The following PCDHGC5 variants were observed in gnomAD, a reference collection of about 807,000 sequenced individuals.
PCDHGC5 encodes the protein protocadherin gamma subfamily C, 5.
Under a neutral mutation model 59.0 loss-of-function variants are expected in PCDHGC5, and 25 were observed. The observed-to-expected ratio is 0.42, with a 90% CI of 0.31 to 0.59. PCDHGC5 has a LOEUF of 0.59. Among genes scored for constraint, PCDHGC5 ranks in the 20% least tolerant of loss-of-function variants. The pLI, the probability that PCDHGC5 is intolerant of heterozygous loss-of-function variation, is 0.13. For missense variants in PCDHGC5, 1,067 were observed against 1,206.4 expected (o/e 0.88, Z 1.71); for synonymous variants, 434 against 505.5 (o/e 0.86, Z 1.90).
intron 2 of PCDHGC5, among the ~76,000 whole-genome samples, chr5:141,503,855 TA>T (rs2099832899): frequency 1.3e-5 from 2 of 152,136 alleles, no homozygotes; most frequent in Non-Finnish European, 2.9e-5. Context: ...GGAAAAATTG[TA>T]AAGCAGTTCT....
At chr5:141,507,704 G>A (rs989196400) in intron 3 of PCDHGC5, among the ~76,000 whole-genome samples, 5 of 152,210 alleles carry the variant, frequency 3.3e-5, no homozygotes, top group African/African-American at 9.6e-5. Context: ...AGTATTTATG[G>A]CCCCAAACCC....
chr5:141,509,785 C>T (rs1445220885), intron 3 of PCDHGC5, among the ~76,000 whole-genome samples: 1 of 152,166 alleles, frequency 6.6e-6, no homozygotes, highest in African/African-American at 2.4e-5. Context: ...CCGAGATCAT[C>T]ATCTCCTCAG....
At chr5:141,500,729 C>T (rs1434863449) in intron 2 of PCDHGC5, among the ~76,000 whole-genome samples, 2 of 152,130 alleles carry the variant, frequency 1.3e-5, no homozygotes, top group Non-Finnish European at 2.9e-5. Flanking sequence ...CCATGTCTTT[C>T]AAAATTCTTC....
chr5:141,489,530 G>C lies in PCDHGC5; in HGVS notation c.290G>C (p.Gly97Ala), dbSNP rs751249228. 17 of 1,614,092 alleles carry C rather than the reference G, an allele frequency of 1.1e-5. 1 individual carries two copies. In the South Asian group the frequency reaches 1.9e-4, roughly 18 times the overall value. ...AAGATTGACCGAGAAAGCCTATGTG[G>C]AGCCAGCACCAGCTGCCTGCTGCCA... ...NQKIDRESLCGASTSCLLPVQ... is the reference protein window; with the variant it reads ...NQKIDRESLCAASTSCLLPVQ... The change falls in exon 1 of 4, where the codon GGA becomes GCA. Residue 97 changes from glycine to alanine, a missense_variant. Coordinates refer to ENST00000252087, the MANE Select transcript of PCDHGC5 (RefSeq NM_018929.3). The surrounding 1 kb of genome is among the most constrained non-coding windows in gnomAD (Gnocchi z 4.5).
chr5:141,489,470 T>C lies in PCDHGC5; in HGVS notation c.230T>C (p.Leu77Pro), dbSNP rs1030378524. 1 of 1,613,874 alleles carries C rather than the reference T, an allele frequency of 6.2e-7. No homozygotes were observed. The highest frequency in any genetic ancestry group is 8.5e-7 in the Non-Finnish European group (1 of 1,179,838). ...GSEENGRYFS[L>P]SLMSGALAVN... is the part of the protein sequence containing the mutation. ...GAGGAGAATGGGCGCTATTTTTCCCTGAGCTTGATGAGTGGTGCCCTGGCA... is the reference window on the plus strand; with the variant it reads ...GAGGAGAATGGGCGCTATTTTTCCCCGAGCTTGATGAGTGGTGCCCTGGCA... The change falls in exon 1 of 4, where the codon CTG (leucine) becomes CCG (proline). Residue 77 changes from leucine (L) to proline (P), a missense_variant. Physicochemically the swap from Leu to Pro is moderately conservative, Grantham distance 98 (BLOSUM62 -3). Transcript: ENST00000252087. This position sits in a 1 kb window ranked among gnomAD's most constrained non-coding sequence, Gnocchi z 4.5.
intron 2 of PCDHGC5, among the ~76,000 whole-genome samples, chr5:141,501,136 G>A (rs909142955): frequency 6.6e-6 from 1 of 152,090 alleles, no homozygotes; most frequent in Non-Finnish European, 1.5e-5. Context: ...CTAAGTGCTG[G>A]GATTACAGGT....
chr5:141,509,081 A>C (rs1279221589), intron 3 of PCDHGC5, among the ~76,000 whole-genome samples: 2 of 152,160 alleles, frequency 1.3e-5, no homozygotes, highest in Non-Finnish European at 2.9e-5. Flanking sequence ...GATTTGCGAC[A>C]TGAAATGGGG....
chr5:141,493,808 C>T lies in PCDHGC5; in HGVS notation c.2461-999C>T, dbSNP rs2099750260. On this transcript the variant is annotated intron_variant, in intron 1 of 3. Transcript: ENST00000252087. The surrounding 1 kb of genome is among the most constrained non-coding windows in gnomAD (Gnocchi z 4.3). ...CTTCTCCCTGGAGTAATCTGAGATA[C>T]TCACACTCTCTGCTTCTGGGAGCAA... is the stretch of plus-strand genomic sequence containing the variant. 6.6e-6 allele frequency among the ~76,000 whole-genome samples: 1 copy of T among 152,200 alleles called. No individual in the cohort carries two copies. The highest frequency in any genetic ancestry group is 1.5e-5 in the Non-Finnish European group (1 of 68,042).
intron 3 of PCDHGC5, 57 bp from the exon 4 acceptor site, chr5:141,510,890 A>G (rs1434557860): frequency 1.2e-5 from 20 of 1,612,748 alleles, no homozygotes; most frequent in South Asian, 3.3e-5. Context: ...GATATAAGAC[A>G]GTGACTGTTG....
intron 2 of PCDHGC5, among the ~76,000 whole-genome samples, chr5:141,503,984 C>T (rs967348519): frequency 2.0e-5 from 3 of 152,184 alleles, no homozygotes; most frequent in African/African-American, 7.2e-5. Context: ...AACCCTTCTT[C>T]TTACCTTACA....
intron 3 of PCDHGC5, among the ~76,000 whole-genome samples, chr5:141,506,402 G>C (rs1032556978): frequency 7.0e-6 from 1 of 143,732 alleles, no homozygotes; most frequent in African/African-American, 2.6e-5. Context: ...GCAGAAAATC[G>C]CACCACTGCA....
chr5:141,491,648 T>C lies in PCDHGC5; in HGVS notation c.2408T>C (p.Leu803Pro). ...GTTCAGCAGCCCACAGCTCTGGCGC[T>C]GGAGCCTGACGCCATCCGGTCCCGC... ...LSVQQPTALALEPDAIRSRSN... is the reference protein window; with the variant it reads ...LSVQQPTALAPEPDAIRSRSN... Residue 803 changes from leucine (L) to proline (P), a missense_variant, in exon 1 of 4, where the codon CTG becomes CCG. Physicochemically the swap from Leu to Pro is moderately conservative, Grantham distance 98. Transcript: ENST00000252087. The surrounding 1 kb of genome is among the most constrained non-coding windows in gnomAD (Gnocchi z 6.9). 2 of 1,613,834 alleles carry C rather than the reference T, an allele frequency of 1.2e-6. No individual in the cohort carries two copies. Among genetic ancestry groups the C allele is most frequent in the South Asian group, 1.1e-5 (1 of 91,082 alleles).
chr5:141,494,759 C>A (rs776923097), intron 1 of PCDHGC5, 48 bp from the exon 2 acceptor site: 3 of 1,613,886 alleles, frequency 1.9e-6, no homozygotes, highest in Non-Finnish European at 2.5e-6. Context: ...GGGTGACATT[C>A]TAACTTCTCA....
intron 3 of PCDHGC5, among the ~76,000 whole-genome samples, chr5:141,510,415 C>G (rs2099881071): frequency 6.6e-6 from 1 of 152,082 alleles, no homozygotes; most frequent in Admixed American, 6.5e-5. Flanking sequence ...GCATGTAAAG[C>G]CATGGTTTCA....
rs781267293 is a variant in PCDHGC5 at position 141,489,926 on chromosome 5, C to T, written c.686C>T (p.Ser229Phe). 1.2e-6 allele frequency: 2 copies of T among 1,614,222 alleles called. No individual in the cohort carries two copies. The highest frequency in any genetic ancestry group is 2.2e-5 in the East Asian group (1 of 44,878). Residue 229 changes from serine to phenylalanine, a missense_variant, in exon 1 of 4, where the codon TCT becomes TTT. Coordinates refer to ENST00000252087, the MANE Select transcript of PCDHGC5 (RefSeq NM_018929.3). The surrounding 1 kb of genome is among the most constrained non-coding windows in gnomAD (Gnocchi z 4.5). ...TPARSGTTLI[S>F]VIVLDINDNA... Reference sequence around the variant, plus strand: ...GCCCGCTCAGGGACCACCCTTATCTCTGTCATCGTGCTGGACATCAATGAT... The same window carrying T: ...GCCCGCTCAGGGACCACCCTTATCTTTGTCATCGTGCTGGACATCAATGAT...
intron 2 of PCDHGC5, 119 bp from the exon 3 acceptor site, chr5:141,505,274 C>T: frequency 6.6e-7 from 1 of 1,524,344 alleles, no homozygotes; most frequent in East Asian, 2.3e-5. Flanking sequence ...CTGAGAGAAA[C>T]AGGTCTTGGG....
chr5:141,503,671 A>G (rs1028896082), intron 2 of PCDHGC5, among the ~76,000 whole-genome samples: 2 of 151,950 alleles, frequency 1.3e-5, no homozygotes, highest in Non-Finnish European at 2.9e-5. Flanking sequence ...AACTCTTCCC[A>G]CTTTTGGGAA....
rs2099883850 is a variant in PCDHGC5, at chr5:141,511,565, A to T, written c.*392A>T. The T allele has an allele frequency of 3.4e-6, 1 of 295,974 alleles. No homozygotes were observed. Among genetic ancestry groups the T allele is most frequent in the African/African-American group, 2.2e-5 (1 of 46,502 alleles). The allele number at this position is 295,974 out of a possible 1,614,324, so 18.3% of individuals were successfully genotyped here. The stretch of plus-strand genomic sequence containing the variant: ...CCACTCCAACAGTTCCTCTTTCCCG[A>T]GTAAGGTGGTTGGGGTGTTGAAGTA... On this transcript the variant is annotated 3_prime_UTR_variant, in exon 4 of 4. Coordinates refer to ENST00000252087, the MANE Select transcript of PCDHGC5 (RefSeq NM_018929.3).
At chr5:141,497,713 T>C (rs1357797720) in intron 2 of PCDHGC5, among the ~76,000 whole-genome samples, 3 of 152,084 alleles carry the variant, frequency 2.0e-5, no homozygotes, top group Non-Finnish European at 1.5e-5. Context: ...CTCATTTTTG[T>C]ATTTTTAGTA....
Sources: gnomAD v4.1 joint callset for allele counts (sites outside exome capture counted in the v4.1 genomes callset) on GRCh38, gnomAD v4.1.1 for gene constraint, Gnocchi (gnomAD v3.1) non-coding constraint, MANE v1.5 for transcripts, NCBI Gene and HGNC (gene_info 2026-07-23, HGNC 2026-07-21) for gene names.